The following GLG1 variants were observed in gnomAD, a reference collection of about 807,000 sequenced individuals.
The protein encoded by GLG1 is Golgi apparatus protein 1.
GLG1 carries 38 observed loss-of-function variants against 160.5 expected under a neutral mutation model. The observed-to-expected ratio is 0.24, with a 90% CI of 0.18 to 0.31. The LOEUF is 0.31. Ranked by LOEUF, GLG1 falls within the 10% of genes least tolerant of loss-of-function variation. GLG1 has a pLI of 1.00. For synonymous variants in GLG1, 644 were observed against 543.4 expected, an observed-to-expected ratio of 1.19 and a Z score of -2.57; for missense variants, 1,373 against 1,505.2, an observed-to-expected ratio of 0.91 and a Z score of 1.45.
chr16:74,465,050 G>T (rs2014949261), intron 19 of GLG1, among the ~76,000 whole-genome samples: 1 of 152,096 alleles, frequency 6.6e-6, no homozygotes, highest in African/African-American at 2.4e-5. Context: ...TGTTGGCCAG[G>T]CTGGTCTCGA....
intron 2 of GLG1, among the ~76,000 whole-genome samples, chr16:74,509,686 A>C (rs1003195357): frequency 6.6e-6 from 1 of 151,678 alleles, no homozygotes; most frequent in Admixed American, 6.6e-5. Flanking sequence ...CGTTTCTACT[A>C]AAAAATACAA....
chr16:74,498,214 C>T (rs2016267228), intron 4 of GLG1, among the ~76,000 whole-genome samples: 1 of 148,322 alleles, frequency 6.7e-6, no homozygotes, highest in Non-Finnish European at 1.5e-5. Flanking sequence ...GGGCGGATCA[C>T]GAGGTCAAGA....
At chr16:74,463,177 T>C (rs891725016) in intron 20 of GLG1, 179 bp downstream of exon 20, 3 of 611,066 alleles carry the variant, frequency 4.9e-6, no homozygotes, top group South Asian at 4.4e-5. Context: ...CTCTCTCCCC[T>C]GACTCTCCCT....
intron 1 of GLG1, among the ~76,000 whole-genome samples, chr16:74,550,022 G>A (rs2018155438): frequency 6.6e-6 from 1 of 152,244 alleles, no homozygotes; most frequent in African/African-American, 2.4e-5. Flanking sequence ...GAGGTTGAGA[G>A]GACAAGACTG....
chr16:74,455,753 C>T (rs1435484974), intron 25 of GLG1, among the ~76,000 whole-genome samples: 32 of 152,218 alleles, frequency 2.1e-4, no homozygotes, highest in Admixed American at 2.1e-3. Flanking sequence ...AATACAAAAG[C>T]ATGGCTCTAA....
Position 74,493,069 on chromosome 16 carries a change from T to C in GLG1, c.1122A>G (p.Lys374=). 1.9e-6 allele frequency: 3 copies of C among 1,613,910 alleles called. No individual in the cohort carries two copies. Among genetic ancestry groups the C allele is most frequent in the Non-Finnish European group, 1.7e-6 (2 of 1,179,790 alleles). Residue 374 remains lysine (K), a synonymous_variant, in exon 7 of 26, where the codon AAA becomes AAG. Coordinates refer to ENST00000422840, the MANE Select transcript of GLG1 (RefSeq NM_001145667.2). ...QDYKVSYSLA[K]SCKSDLKKYR... is the part of the protein sequence containing the mutation. ...ATTTCTTCAAGTCACTTTTACAGGATTTGGCCAATGAATAACTGACTTTAT... is the reference window on the plus strand; with the variant it reads ...ATTTCTTCAAGTCACTTTTACAGGACTTGGCCAATGAATAACTGACTTTAT...
intron 4 of GLG1, among the ~76,000 whole-genome samples, chr16:74,502,407 C>G (rs1336527996): frequency 6.6e-6 from 1 of 152,166 alleles, no homozygotes; most frequent in Non-Finnish European, 1.5e-5. Context: ...TTACTAAAAT[C>G]AGTTCTTCTG....
At chr16:74,556,386 C>T (rs1245620188) in intron 1 of GLG1, among the ~76,000 whole-genome samples, 3 of 152,008 alleles carry the variant, frequency 2.0e-5, no homozygotes, top group African/African-American at 7.2e-5. Context: ...AAAAATGGAC[C>T]TCTTTCCATA....
intron 1 of GLG1, among the ~76,000 whole-genome samples, chr16:74,551,885 CAGAAGGTAGTCT>C (rs2018209171): frequency 6.6e-6 from 1 of 151,234 alleles, no homozygotes; most frequent in Admixed American, 6.6e-5. Flanking sequence ...GTAGATACAA[CAGAAGGTAGTCT>C]AGAATAGGGA....
chr16:74,606,538 C>T (rs1958570570), intron 1 of GLG1, 119 bp downstream of exon 1: 3 of 787,524 alleles, frequency 3.8e-6, no homozygotes, highest in East Asian at 2.7e-5. Flanking sequence ...AGGGAAGGAG[C>T]GAGTGCAGCA....
chr16:74,518,349 G>T (rs746667550), intron 2 of GLG1, among the ~76,000 whole-genome samples: 1 of 152,122 alleles, frequency 6.6e-6, no homozygotes, highest in Admixed American at 6.6e-5. Context: ...TACCAAAACA[G>T]ATATACAGGC....
chr16:74,458,458 G>C (rs1250900926), intron 23 of GLG1, among the ~76,000 whole-genome samples: 1 of 152,074 alleles, frequency 6.6e-6, no homozygotes, highest in Admixed American at 6.6e-5. Flanking sequence ...GGGAGGCCGA[G>C]GTAGGAGTCT....
intron 1 of GLG1, among the ~76,000 whole-genome samples, chr16:74,537,114 G>A (rs925941849): frequency 2.0e-5 from 3 of 152,192 alleles, no homozygotes; most frequent in Non-Finnish European, 4.4e-5. Context: ...TGAGAGAAAT[G>A]ATTCCTGACA....
intron 1 of GLG1, among the ~76,000 whole-genome samples, chr16:74,584,098 T>A (rs549417056): frequency 6.6e-6 from 1 of 152,148 alleles, no homozygotes; most frequent in Non-Finnish European, 1.5e-5. Context: ...CTTCAATTCA[T>A]AGTGCCCCGA....
intron 13 of GLG1, chr16:74,474,276 A>G: frequency 3.0e-6 from 1 of 328,512 alleles, no homozygotes. Flanking sequence ...TTAAGGGAGA[A>G]ACAGAGGCAA....
chr16:74,480,082 A>G (rs2015542522), intron 11 of GLG1, among the ~76,000 whole-genome samples, 159 bp downstream of exon 11: 1 of 152,194 alleles, frequency 6.6e-6, no homozygotes. Context: ...CTCTAAGTGC[A>G]CTCACGGAAG....
In GLG1 at chr16:74,592,006, A is replaced by ATATG. The variant is rs546356894; in HGVS notation, c.438+14647_438+14650dup. Among the ~76,000 whole-genome samples, 10 of 152,224 alleles carry ATATG rather than the reference A, an allele frequency of 6.6e-5. No homozygotes were observed. In the South Asian group the frequency reaches 2.1e-3, roughly 32 times the overall value. On this transcript the variant is annotated intron_variant, in intron 1 of 25. Coordinates refer to ENST00000422840, the MANE Select transcript of GLG1 (RefSeq NM_001145667.2). ...GTGTACACATTTAAATACCATGCAT[A>ATATG]TATGTATGTATGTAGAGTTGGGCTC... is the stretch of plus-strand genomic sequence containing the variant.
intron 1 of GLG1, among the ~76,000 whole-genome samples, chr16:74,559,381 C>G (rs1039678530): frequency 6.6e-6 from 1 of 150,844 alleles, no homozygotes; most frequent in African/African-American, 2.4e-5. Context: ...GAGTTTGAGG[C>G]TGCAGCAAGC....
intron 4 of GLG1, among the ~76,000 whole-genome samples, chr16:74,497,267 C>T (rs7188050): frequency 0.68 from 101,002 of 148,956 alleles, 34,249 homozygotes; most frequent in East Asian, 0.82. Flanking sequence ...CCAGCCTGGG[C>T]GACAAGACAG....
Sources: allele counts gnomAD v4.1 joint callset (sites outside exome capture counted in the v4.1 genomes callset), GRCh38; gene constraint gnomAD v4.1.1; transcripts MANE v1.5; gene names NCBI Gene and HGNC (gene_info 2026-07-23, HGNC 2026-07-21).